SPAG16: variants seen among roughly 807,000 people sequenced by gnomAD.
The protein encoded by SPAG16 is sperm-associated antigen 16 protein.
SPAG16 carries 86 observed loss-of-function variants against 80.4 expected under a neutral mutation model. The observed-to-expected ratio is 1.07, with a 90% CI of 0.90 to 1.28. The LOEUF is 1.28. SPAG16 is among the 50% of genes most tolerant of loss of function. SPAG16 has a pLI of 0.00. For missense variants in SPAG16, 870 were observed against 765.3 expected, an observed-to-expected ratio of 1.14 and a Z score of -1.61; for synonymous variants, 294 against 265.9, an observed-to-expected ratio of 1.11 and a Z score of -1.03.
At chr2:213,431,890 T>C (rs1285590536) in intron 9 of SPAG16, among the ~76,000 whole-genome samples, 1 of 151,826 alleles carries the variant, frequency 6.6e-6, no homozygotes, top group East Asian at 1.9e-4. Context: ...ATAGTAACTT[T>C]ATCAAGTGTC....
At chr2:213,619,056 T>C (rs1421519096) in intron 10 of SPAG16, among the ~76,000 whole-genome samples, 1 of 152,160 alleles carries the variant, frequency 6.6e-6, no homozygotes, top group Non-Finnish European at 1.5e-5. Context: ...AAGCCATAAA[T>C]GGAAAAATTA....
intron 9 of SPAG16, among the ~76,000 whole-genome samples, chr2:213,476,020 G>C (rs2073355095): frequency 1.3e-5 from 2 of 152,162 alleles, no homozygotes; most frequent in South Asian, 4.1e-4. Context: ...TCTTCAACAG[G>C]GGAAAGAAAA....
intron 10 of SPAG16, among the ~76,000 whole-genome samples, chr2:213,849,355 C>A (rs954712136): frequency 6.6e-6 from 1 of 152,134 alleles, no homozygotes; most frequent in East Asian, 1.9e-4. Flanking sequence ...CCCCACCTCC[C>A]GACACCACCA....
chr2:214,147,959 A>G (rs2055745061), intron 14 of SPAG16, among the ~76,000 whole-genome samples: 1 of 152,198 alleles, frequency 6.6e-6, no homozygotes, highest in Non-Finnish European at 1.5e-5. Flanking sequence ...GATAAGGAAA[A>G]TTATAGGATA....
At chr2:213,646,462 T>C (rs2062828791) in intron 10 of SPAG16, among the ~76,000 whole-genome samples, 2 of 152,208 alleles carry the variant, frequency 1.3e-5, no homozygotes, top group East Asian at 3.8e-4. Flanking sequence ...CAAATCATGA[T>C]TAGCACTTTA....
At chr2:213,619,251 A>G (rs770203542) in intron 10 of SPAG16, among the ~76,000 whole-genome samples, 1 of 152,250 alleles carries the variant, frequency 6.6e-6, no homozygotes, top group Admixed American at 6.5e-5. Context: ...CTGTGGAACT[A>G]CTAGAGGAAA....
chr2:213,525,173 G>A (rs185905332), intron 10 of SPAG16, among the ~76,000 whole-genome samples: 1 of 151,496 alleles, frequency 6.6e-6, no homozygotes, highest in Admixed American at 6.6e-5. Context: ...TCTCCTTGCT[G>A]TTGCCATGTG....
At chr2:213,977,954 C>T (rs757392173) in intron 12 of SPAG16, among the ~76,000 whole-genome samples, 61 of 149,500 alleles carry the variant, frequency 4.1e-4, no homozygotes, top group East Asian at 2.0e-4. Context: ...AGATACTATA[C>T]TCTTTACCTT....
chr2:213,917,228 A>AT (rs1245174571), intron 11 of SPAG16, among the ~76,000 whole-genome samples: 1 of 151,876 alleles, frequency 6.6e-6, no homozygotes, highest in Non-Finnish European at 1.5e-5. Context: ...CAGCTTTGCT[A>AT]TTTTTTCTTA....
chr2:213,666,039 A>C (rs2063588056), intron 10 of SPAG16, among the ~76,000 whole-genome samples: 1 of 152,174 alleles, frequency 6.6e-6, no homozygotes, highest in Non-Finnish European at 1.5e-5. Flanking sequence ...GTTGGGCGTG[A>C]AAGCACTGTG....
chr2:213,818,759 T>G (rs1172499107), intron 10 of SPAG16, among the ~76,000 whole-genome samples: 2 of 152,144 alleles, frequency 1.3e-5, no homozygotes, highest in East Asian at 3.9e-4. Context: ...GGGGGTGGTT[T>G]TCCTGCTGCC....
intron 11 of SPAG16, among the ~76,000 whole-genome samples, chr2:213,864,390 A>G (rs570401580): frequency 1.2e-3 from 188 of 152,250 alleles, no homozygotes; most frequent in Non-Finnish European, 2.3e-3. Flanking sequence ...TACTTCATCT[A>G]TAATTTAAAA....
intron 10 of SPAG16, among the ~76,000 whole-genome samples, chr2:213,706,182 G>A (rs1418630916): frequency 1.3e-5 from 2 of 152,154 alleles, no homozygotes; most frequent in East Asian, 1.9e-4. Context: ...GGGTCACTAC[G>A]TGTTCTCACT....
At chr2:214,015,458 T>A (rs527767173) in intron 13 of SPAG16, among the ~76,000 whole-genome samples, 2 of 151,938 alleles carry the variant, frequency 1.3e-5, no homozygotes, top group South Asian at 2.1e-4. Flanking sequence ...ATTGGCTGGG[T>A]GCGGTGGTGC....
At chr2:214,195,844 A>G (rs1021924437) in intron 15 of SPAG16, among the ~76,000 whole-genome samples, 3 of 152,032 alleles carry the variant, frequency 2.0e-5, no homozygotes, top group Non-Finnish European at 4.4e-5. Flanking sequence ...AGCTGGAGTT[A>G]TGAATTTGAA....
chr2:213,944,384 G>A (rs2106299405), intron 12 of SPAG16, among the ~76,000 whole-genome samples: 1 of 152,290 alleles, frequency 6.6e-6, no homozygotes, highest in East Asian at 1.9e-4. Context: ...AGTTTCTTGA[G>A]ACCTGACACA....
In SPAG16 at chr2:213,985,979, G is replaced by A. The variant is rs2045980171; in HGVS notation, c.1401-27972G>A. 2.0e-5 allele frequency among the ~76,000 whole-genome samples: 3 copies of A among 152,002 alleles called. No individual in the cohort carries two copies. In the South Asian group the frequency reaches 6.2e-4, roughly 31 times the overall value. On this transcript the variant is annotated intron_variant, in intron 12 of 15. Coordinates refer to ENST00000331683, the MANE Select transcript of SPAG16 (RefSeq NM_024532.5). ...TTGACAACTCCTCTTTCTATATGAA[G>A]GAATGAGAAAAAGGAGTTGTTTTTT... is the stretch of plus-strand genomic sequence containing the variant.
intron 11 of SPAG16, among the ~76,000 whole-genome samples, chr2:213,919,026 G>T (rs1469766544): frequency 1.3e-5 from 2 of 151,866 alleles, no homozygotes; most frequent in Non-Finnish European, 2.9e-5. Context: ...TTTTTATTTG[G>T]ATCTTCTTTC....
At chr2:214,212,259 T>C (rs938616371) in intron 15 of SPAG16, among the ~76,000 whole-genome samples, 2 of 152,144 alleles carry the variant, frequency 1.3e-5, no homozygotes, top group African/African-American at 2.4e-5. Context: ...GATTTTGTCT[T>C]TTATCTACCA....
Sources: gnomAD v4.1 joint callset for allele counts (sites outside exome capture counted in the v4.1 genomes callset) on GRCh38, gnomAD v4.1.1 for gene constraint, MANE v1.5 for transcripts, NCBI Gene and HGNC (gene_info 2026-07-23, HGNC 2026-07-21) for gene names.